The following PLD5 variants were observed in gnomAD, a reference collection of about 807,000 sequenced individuals.
PLD5 encodes phospholipase D family member 5, also known as inactive phospholipase D5.
A neutral mutation model predicts 61.1 loss-of-function variants in PLD5; 36 were observed. That is an observed-to-expected ratio of 0.59 (90% CI 0.45 to 0.78). PLD5 has a LOEUF of 0.78. Among genes scored for constraint, PLD5 ranks in the 30% least tolerant of loss-of-function variants. The pLI, the probability that PLD5 is intolerant of heterozygous loss-of-function variation, is 0.00. For synonymous variants in PLD5, 243 were observed against 242.8 expected (o/e 1.00, Z -0.01); for missense variants, 515 against 644.4 (o/e 0.80, Z 2.17).
At chr1:242,148,679 T>A (rs1664712927) in intron 5 of PLD5, among the ~76,000 whole-genome samples, 1 of 152,010 alleles carries the variant, frequency 6.6e-6, no homozygotes, top group Admixed American at 6.6e-5. Context: ...GCTTTGTAGT[T>A]CTTTACATAC....
At chr1:242,182,176 G>A (rs1394414044) in intron 5 of PLD5, among the ~76,000 whole-genome samples, 1 of 152,144 alleles carries the variant, frequency 6.6e-6, no homozygotes, top group African/African-American at 2.4e-5. Context: ...GTTCCCTGTA[G>A]ATCTGGAAGC....
At chr1:242,147,116 A>G (rs1664596229) in intron 5 of PLD5, among the ~76,000 whole-genome samples, 2 of 152,220 alleles carry the variant, frequency 1.3e-5, no homozygotes, top group South Asian at 4.1e-4. Flanking sequence ...CAATCAAGAT[A>G]CACAACAGTG....
intron 5 of PLD5, among the ~76,000 whole-genome samples, chr1:242,153,893 G>A (rs1665137413): frequency 6.6e-6 from 1 of 151,670 alleles, no homozygotes; most frequent in Non-Finnish European, 1.5e-5. Context: ...GGTGAAGAAA[G>A]TCAAGATTGA....
intron 4 of PLD5, among the ~76,000 whole-genome samples, chr1:242,223,396 C>T (rs892323826): frequency 1.3e-5 from 2 of 152,120 alleles, no homozygotes; most frequent in Non-Finnish European, 2.9e-5. Flanking sequence ...ACAGAAGGGG[C>T]ACCAAAGAGC....
At chr1:242,164,763 C>A (rs549173576) in intron 5 of PLD5, among the ~76,000 whole-genome samples, 1 of 152,232 alleles carries the variant, frequency 6.6e-6, no homozygotes, top group South Asian at 2.1e-4. Flanking sequence ...TCACTTGAGC[C>A]TCCAATTATG....
chr1:242,385,931 A>C (rs775079948), intron 1 of PLD5, among the ~76,000 whole-genome samples: 25 of 152,240 alleles, frequency 1.6e-4, no homozygotes, highest in Non-Finnish European at 3.2e-4. Context: ...CTGAAGTAAC[A>C]AATGTAGTGT....
chr1:242,369,150 A>G (rs1360562331), intron 1 of PLD5, among the ~76,000 whole-genome samples: 2 of 152,234 alleles, frequency 1.3e-5, no homozygotes, highest in Non-Finnish European at 2.9e-5. Flanking sequence ...ATTCAAAGAA[A>G]TATAGAAAGG....
At chr1:242,302,791 T>C (rs1676136842) in intron 2 of PLD5, among the ~76,000 whole-genome samples, 1 of 152,224 alleles carries the variant, frequency 6.6e-6, no homozygotes, top group Non-Finnish European at 1.5e-5. Flanking sequence ...CCCAAATACA[T>C]ATGAAATGTA....
At chr1:242,451,462 T>TTC (rs1666775428) in intron 1 of PLD5, among the ~76,000 whole-genome samples, 2 of 147,776 alleles carry the variant, frequency 1.4e-5, no homozygotes, top group African/African-American at 2.5e-5. Context: ...TCAAATTCTT[T>TTC]TTTTTTTTTT....
chr1:242,131,565 CA>C (rs773683568), intron 5 of PLD5, among the ~76,000 whole-genome samples: 1 of 152,114 alleles, frequency 6.6e-6, no homozygotes, highest in Non-Finnish European at 1.5e-5. Flanking sequence ...ACCCATTTCA[CA>C]GTAAGAAAAC....
chr1:242,514,016 T>C, intron 1 of PLD5, among the ~76,000 whole-genome samples: 1 of 152,224 alleles, frequency 6.6e-6, no homozygotes, highest in East Asian at 1.9e-4. Flanking sequence ...CTAAAAAAGA[T>C]GCTACACTGG....
In PLD5 at chr1:242,295,421, C is replaced by G. The variant is rs540297695; in HGVS notation, c.327-6891G>C. Among the ~76,000 whole-genome samples, 8 of 152,296 alleles carry G rather than the reference C, an allele frequency of 5.3e-5. No individual in the cohort carries two copies. In the East Asian group the frequency reaches 1.4e-3, roughly 26 times the overall value. On this transcript the variant is annotated intron_variant, in intron 2 of 9. Transcript: ENST00000536534. ...AATTTTCTGTTTCTGAGTTATTTCA[C>G]CTAGGATAATGGCCTCCAGCTGTAT...
chr1:242,501,241 T>C (rs1232991631), intron 1 of PLD5, among the ~76,000 whole-genome samples: 1 of 152,200 alleles, frequency 6.6e-6, no homozygotes, highest in Admixed American at 6.5e-5. Flanking sequence ...TCCAAAATTA[T>C]GCCATAGCAT....
chr1:242,101,400 G>A (rs555343152), intron 8 of PLD5, among the ~76,000 whole-genome samples: 8 of 152,124 alleles, frequency 5.3e-5, no homozygotes, highest in Non-Finnish European at 4.4e-5. Flanking sequence ...CCAAGGCCAG[G>A]AATGGGGCAG....
intron 1 of PLD5, chr1:242,449,436 G>C: frequency 6.5e-7 from 1 of 1,535,772 alleles, no homozygotes; most frequent in Non-Finnish European, 8.7e-7. Context: ...ACAGCCTCTG[G>C]AGCCTTCAGA....
chr1:242,186,276 G>A (rs943848302), intron 5 of PLD5, among the ~76,000 whole-genome samples: 4 of 151,832 alleles, frequency 2.6e-5, no homozygotes, highest in South Asian at 2.1e-4. Flanking sequence ...TCCACCTCCC[G>A]GGTTCAAGCG....
chr1:242,279,730 A>C (rs181386209), intron 3 of PLD5, among the ~76,000 whole-genome samples: 140 of 152,112 alleles, frequency 9.2e-4, no homozygotes, highest in African/African-American at 2.6e-3. Context: ...AATGGGGTTT[A>C]ACCATGTTGG....
intron 3 of PLD5, among the ~76,000 whole-genome samples, chr1:242,275,282 A>G (rs902714950): frequency 2.0e-5 from 3 of 152,026 alleles, no homozygotes; most frequent in African/African-American, 7.2e-5. Flanking sequence ...TCATATTCAT[A>G]TAGATATGAA....
intron 2 of PLD5, among the ~76,000 whole-genome samples, chr1:242,295,434 C>T (rs1380115356): frequency 1.3e-5 from 2 of 152,192 alleles, no homozygotes; most frequent in African/African-American, 2.4e-5. Flanking sequence ...AGGATAATGG[C>T]CTCCAGCTGT....
Sources: gnomAD v4.1 joint callset for allele counts (sites outside exome capture counted in the v4.1 genomes callset) on GRCh38, gnomAD v4.1.1 for gene constraint, MANE v1.5 for transcripts, NCBI Gene and HGNC (gene_info 2026-07-23, HGNC 2026-07-21) for gene names.